The following OSBPL6 variants were observed in gnomAD, a reference collection of about 807,000 sequenced individuals.
OSBPL6 encodes oxysterol-binding protein-related protein 6.
A neutral mutation model predicts 125.8 loss-of-function variants in OSBPL6; 49 were observed. The observed-to-expected ratio is 0.39, with a 90% confidence interval of 0.31 to 0.49. The LOEUF (loss-of-function observed/expected upper bound fraction) is 0.49. Among genes scored for constraint, OSBPL6 ranks in the 20% least tolerant of loss-of-function variants. The probability of loss-of-function intolerance (pLI) is 0.88; values close to 1 mark genes in which losing one functional copy is unlikely to be tolerated. For synonymous variants in OSBPL6, 394 were observed against 391.8 expected, an observed-to-expected ratio of 1.01 and a Z score of -0.07; for missense variants, 986 against 1,135.4, an observed-to-expected ratio of 0.87 and a Z score of 1.89.
Position 178,201,944 on chromosome 2 carries a change from G to A in OSBPL6, c.-351+7270G>A, listed in dbSNP as rs188231945. On this transcript the variant is annotated intron_variant, in intron 1 of 24. Coordinates refer to ENST00000190611, the MANE Select transcript of OSBPL6 (RefSeq NM_032523.4). ...GCTTTAAGATCAAGTCACATAGTAG[G>A]CTCATAGAACTTTCGGGAATGGCAG... Among the ~76,000 whole-genome samples the A allele has an allele frequency of 1.1e-4, 16 of 152,290 alleles. No individual in the cohort carries two copies. The East Asian group carries it at 2.7e-3, about 26-fold the overall frequency.
At chr2:178,327,985 C>T (rs1345551953) in intron 4 of OSBPL6, among the ~76,000 whole-genome samples, 1 of 152,152 alleles carries the variant, frequency 6.6e-6, no homozygotes, top group African/African-American at 2.4e-5. Flanking sequence ...TACAGGCAAT[C>T]GAATTTCCAT....
intron 1 of OSBPL6, among the ~76,000 whole-genome samples, chr2:178,218,359 T>C (rs2090176060): frequency 6.6e-6 from 1 of 151,224 alleles, no homozygotes; most frequent in African/African-American, 2.4e-5. Flanking sequence ...GGTGAGTCCT[T>C]CTTAGGGCAA....
chr2:178,258,643 A>G (rs1476779092), intron 1 of OSBPL6, among the ~76,000 whole-genome samples: 1 of 152,174 alleles, frequency 6.6e-6, no homozygotes, highest in Non-Finnish European at 1.5e-5. Context: ...GTCTTGACAA[A>G]TGGTTATACC....
chr2:178,367,041 C>T (rs909419374), intron 13 of OSBPL6, among the ~76,000 whole-genome samples: 2 of 152,068 alleles, frequency 1.3e-5, no homozygotes, highest in South Asian at 2.1e-4. Flanking sequence ...CATAAGTGTC[C>T]AATAGTAGGA....
intron 13 of OSBPL6, among the ~76,000 whole-genome samples, chr2:178,366,156 T>C (rs1692806248): frequency 6.6e-6 from 1 of 152,260 alleles, no homozygotes; most frequent in South Asian, 2.1e-4. Flanking sequence ...ACTCCCGAAG[T>C]GCTGGGATTA....
In OSBPL6 at chr2:178,346,112, C is replaced by T. The variant is rs13423940; in HGVS notation, c.988-3112C>T. Reference sequence around the variant, plus strand: ...TTGTCTCCATACCAAAATGCAGCAACATCTAGCAGATGTTTCAGAAATTTG... The same window carrying T: ...TTGTCTCCATACCAAAATGCAGCAATATCTAGCAGATGTTTCAGAAATTTG... On this transcript the variant is annotated intron_variant, in intron 11 of 24. Transcript: ENST00000190611. Among the ~76,000 whole-genome samples the T allele has an allele frequency of 9.6e-3, 1,456 of 152,322 alleles. 22 individuals are homozygous for T. The highest frequency in any genetic ancestry group is 0.033 in the African/African-American group (1,389 of 41,566).
chr2:178,328,730 C>T (rs1239114345), intron 5 of OSBPL6, among the ~76,000 whole-genome samples: 1 of 152,110 alleles, frequency 6.6e-6, no homozygotes, highest in African/African-American at 2.4e-5. Flanking sequence ...CCAAGTGATC[C>T]GCCCACCTCA....
chr2:178,384,268 G>C, intron 18 of OSBPL6, 92 bp downstream of exon 18: 1 of 1,467,120 alleles, frequency 6.8e-7, no homozygotes, highest in Non-Finnish European at 9.3e-7. Flanking sequence ...TGTTGGGATG[G>C]GTTATGATAC....
intron 12 of OSBPL6, among the ~76,000 whole-genome samples, chr2:178,360,133 T>C (rs1432238063): frequency 6.6e-6 from 1 of 152,240 alleles, no homozygotes; most frequent in African/African-American, 2.4e-5. Flanking sequence ...ATGATCTCAC[T>C]TATATATGGA....
At chr2:178,364,473 A>G (rs1050213905) in intron 13 of OSBPL6, among the ~76,000 whole-genome samples, 6 of 152,206 alleles carry the variant, frequency 3.9e-5, no homozygotes, top group African/African-American at 1.4e-4. Flanking sequence ...AGGAAGTGCC[A>G]TGCCAGCATT....
intron 3 of OSBPL6, among the ~76,000 whole-genome samples, chr2:178,318,051 A>T (rs1259035503): frequency 6.6e-6 from 1 of 152,214 alleles, no homozygotes; most frequent in Non-Finnish European, 1.5e-5. Flanking sequence ...TGAGTACAGA[A>T]TAAGGAGGAA....
At chr2:178,195,147 G>T (rs1273640323) in intron 1 of OSBPL6, among the ~76,000 whole-genome samples, 1 of 152,210 alleles carries the variant, frequency 6.6e-6, no homozygotes, top group African/African-American at 2.4e-5. Context: ...CGCCTACGCC[G>T]CACCTTTCAG....
intron 2 of OSBPL6, among the ~76,000 whole-genome samples, chr2:178,304,072 C>T (rs1686535846): frequency 1.3e-5 from 2 of 152,128 alleles, no homozygotes; most frequent in South Asian, 4.1e-4. Flanking sequence ...CTCACAGTTC[C>T]GAAGGCTGGG....
At chr2:178,384,395 A>G (rs1694750635) in intron 18 of OSBPL6, among the ~76,000 whole-genome samples, 1 of 152,230 alleles carries the variant, frequency 6.6e-6, no homozygotes, top group Non-Finnish European at 1.5e-5. Context: ...AATGTGTCCA[A>G]GGTGTTCTGG....
intron 2 of OSBPL6, among the ~76,000 whole-genome samples, chr2:178,293,688 G>T (rs991216099): frequency 6.6e-6 from 1 of 151,762 alleles, no homozygotes; most frequent in Admixed American, 6.6e-5. Flanking sequence ...AAATTATATT[G>T]TCTATAGTCT....
At chr2:178,223,498 C>T (rs570160507) in intron 1 of OSBPL6, among the ~76,000 whole-genome samples, 2 of 152,036 alleles carry the variant, frequency 1.3e-5, no homozygotes, top group Admixed American at 6.6e-5. Flanking sequence ...GTATATCTTT[C>T]GATATTGGCT....
chr2:178,288,802 C>T (rs1181605017), intron 2 of OSBPL6, among the ~76,000 whole-genome samples: 1 of 151,922 alleles, frequency 6.6e-6, no homozygotes, highest in Non-Finnish European at 1.5e-5. Context: ...GCGCCCGCCA[C>T]CACGCCCAGC....
chr2:178,297,457 C>G (rs1215105262), intron 2 of OSBPL6, among the ~76,000 whole-genome samples: 2 of 152,062 alleles, frequency 1.3e-5, no homozygotes, highest in African/African-American at 4.8e-5. Context: ...AGAAAAAGAA[C>G]TAATATTAGG....
chr2:178,249,584 C>T (rs2091614492), intron 1 of OSBPL6, among the ~76,000 whole-genome samples: 1 of 152,052 alleles, frequency 6.6e-6, no homozygotes, highest in Non-Finnish European at 1.5e-5. Flanking sequence ...TGTACAGAAA[C>T]CTTTTTCTGT....
Sources: allele counts gnomAD v4.1 joint callset (sites outside exome capture counted in the v4.1 genomes callset), GRCh38; gene constraint gnomAD v4.1.1; transcripts MANE v1.5; gene names NCBI Gene and HGNC (gene_info 2026-07-23, HGNC 2026-07-21).